ATP2B2: variants seen among roughly 807,000 people sequenced by gnomAD.
The protein encoded by ATP2B2 is plasma membrane calcium-transporting ATPase 2.
Under a neutral mutation model 120.0 loss-of-function variants are expected in ATP2B2, and 15 were observed. The observed-to-expected ratio is 0.12, with a 90% CI of 0.08 to 0.19. The LOEUF is 0.19. Ranked by LOEUF, ATP2B2 falls within the 10% of genes least tolerant of loss-of-function variation. The pLI is 1.00. For synonymous variants in ATP2B2, 694 were observed against 700.3 expected (o/e 0.99, Z 0.14); for missense variants, 1,045 against 1,719.8 (o/e 0.61, Z 6.94).
rs2060245994 is a variant in ATP2B2, at chr3:10,340,523, G to A, written c.3099C>T (p.Cys1033=). Residue 1033 remains cysteine (C), a synonymous_variant, in exon 20 of 23, where the codon TGC becomes TGT. Coordinates refer to ENST00000360273, the MANE Select transcript of ATP2B2 (RefSeq NM_001001331.4). The surrounding 1 kb of genome is among the most constrained non-coding windows in gnomAD (Gnocchi z 5.0). ...FDGIFRNPIF[C]TIVLGTFAIQ... is the part of the protein sequence containing the mutation. ...TGGCAAAGGTGCCCAGCACGATGGT[G>A]CAGAAGATGGGGTTCCGGAAGATGC... The A allele has an allele frequency of 1.2e-5, 19 of 1,614,158 alleles. 1 individual carries two copies. The South Asian group carries it at 2.0e-4, about 17-fold the overall frequency.
intron 1 of ATP2B2, among the ~76,000 whole-genome samples, chr3:10,636,731 G>A (rs1259650040): frequency 1.1e-4 from 17 of 152,196 alleles, no homozygotes; most frequent in Admixed American, 1.1e-3. Flanking sequence ...GGGTTTCAAG[G>A]CCATGGTTCA....
rs192762163 is a variant in ATP2B2, at chr3:10,471,096, G to A, written c.-319-21234C>T. On this transcript the variant is annotated intron_variant, in intron 1 of 22. Transcript: ENST00000360273. ...CTGAATGGGCCCAATAACCCGATCCGCAGTCCGACCTGCCCAGTCCAACTT... is the reference window on the plus strand; with the variant it reads ...CTGAATGGGCCCAATAACCCGATCCACAGTCCGACCTGCCCAGTCCAACTT... 7.3e-4 allele frequency among the ~76,000 whole-genome samples: 111 copies of A among 152,304 alleles called. 1 individual carries two copies. The highest frequency in any genetic ancestry group is 3.7e-4 in the Non-Finnish European group (25 of 68,024).
chr3:10,357,976 T>C (rs1373185883), intron 14 of ATP2B2, among the ~76,000 whole-genome samples: 3 of 152,200 alleles, frequency 2.0e-5, no homozygotes, highest in Non-Finnish European at 4.4e-5. Flanking sequence ...CAGATTCAGC[T>C]AAAGGAGAAT....
At chr3:10,610,408 G>A (rs1215271922) in intron 2 of ATP2B2, among the ~76,000 whole-genome samples, 1 of 151,846 alleles carries the variant, frequency 6.6e-6, no homozygotes, top group Admixed American at 6.6e-5. Flanking sequence ...GTGTGCCCAG[G>A]CACAGCAGGA....
intron 2 of ATP2B2, among the ~76,000 whole-genome samples, chr3:10,549,541 C>T (rs1413587830): frequency 2.6e-5 from 4 of 152,226 alleles, no homozygotes; most frequent in Non-Finnish European, 5.9e-5. Context: ...AAGTGAGAGG[C>T]AGCAGCAATA....
chr3:10,394,412 C>A (rs2061960648), intron 5 of ATP2B2: 1 of 470,062 alleles, frequency 2.1e-6, no homozygotes, highest in Non-Finnish European at 4.4e-6. Flanking sequence ...AGCCCCTCCA[C>A]CCACCACTTT....
In ATP2B2 at chr3:10,604,408, G is replaced by A. The variant is rs149979905; in HGVS notation, c.-415+15509C>T. Among the ~76,000 whole-genome samples the A allele has an allele frequency of 2.6e-3, 390 of 152,156 alleles. 2 individuals are homozygous for A. The highest frequency in any genetic ancestry group is 2.2e-3 in the Non-Finnish European group (149 of 68,010). On this transcript the variant is annotated intron_variant, in intron 2 of 21. Transcript: ENST00000646379. ...ACCTCACAGTCTCCCCTAACCTTCC[G>A]GATGAAGTCCAAACTCCCTAACTCC...
At chr3:10,365,997 A>T (rs1015279695) in intron 12 of ATP2B2, among the ~76,000 whole-genome samples, 3 of 151,924 alleles carry the variant, frequency 2.0e-5, no homozygotes, top group Non-Finnish European at 4.4e-5. Flanking sequence ...CCAAAAGCAA[A>T]ACCCTTGTTG....
intron 1 of ATP2B2, among the ~76,000 whole-genome samples, chr3:10,627,982 A>G (rs918930589): frequency 3.3e-5 from 5 of 152,094 alleles, no homozygotes; most frequent in Admixed American, 2.6e-4. Flanking sequence ...TGAGACCTGA[A>G]GCTATGCAGG....
At chr3:10,601,409 G>GGGAGGCCTTGCCTGAGTC (rs1344746756) in intron 2 of ATP2B2, among the ~76,000 whole-genome samples, 1 of 152,190 alleles carries the variant, frequency 6.6e-6, no homozygotes, top group African/African-American at 2.4e-5. Flanking sequence ...AACACGGGGA[G>GGGAGGCCTTGCCTGAGTC]GGAGGCCTTG....
chr3:10,592,017 C>T (rs942856074), intron 2 of ATP2B2, among the ~76,000 whole-genome samples: 11 of 152,152 alleles, frequency 7.2e-5, no homozygotes, highest in African/African-American at 2.4e-4. Context: ...GATCAGAGGA[C>T]CTCAAGGTGG....
rs180934274 is a variant in ATP2B2 at position 10,349,169 on chromosome 3, T to C, written c.2404+943A>G. Among the ~76,000 whole-genome samples the C allele has an allele frequency of 3.4e-3, 517 of 152,322 alleles. 2 individuals are homozygous for C. Among genetic ancestry groups the C allele is most frequent in the African/African-American group, 0.012 (479 of 41,574 alleles). Reference sequence around the variant, plus strand: ...ACCACGTGACTCTAAAAATACCCAGTTGGCTGGGCACAGTGGCTCCTACCT... The same window carrying C: ...ACCACGTGACTCTAAAAATACCCAGCTGGCTGGGCACAGTGGCTCCTACCT... On this transcript the variant is annotated intron_variant, in intron 16 of 22. Coordinates refer to ENST00000360273, the MANE Select transcript of ATP2B2 (RefSeq NM_001001331.4).
chr3:10,556,749 TA>T (rs2067788180), intron 2 of ATP2B2, among the ~76,000 whole-genome samples: 1 of 152,264 alleles, frequency 6.6e-6, no homozygotes, highest in Non-Finnish European at 1.5e-5. Flanking sequence ...TATTAAACTT[TA>T]ATTACTCCTA....
intron 12 of ATP2B2, among the ~76,000 whole-genome samples, chr3:10,362,163 C>G (rs1035979477): frequency 6.6e-6 from 1 of 152,292 alleles, no homozygotes; most frequent in East Asian, 1.9e-4. Flanking sequence ...CCTGTGTCCC[C>G]CTGAAGTACC....
intron 21 of ATP2B2, among the ~76,000 whole-genome samples, chr3:10,339,812 A>C (rs1427362775): frequency 6.6e-6 from 1 of 152,178 alleles, no homozygotes; most frequent in African/African-American, 2.4e-5. Context: ...CTCCCTTCCT[A>C]ACAAGCTGCT....
chr3:10,434,106 C>T (rs532336573), intron 2 of ATP2B2, among the ~76,000 whole-genome samples: 1 of 152,324 alleles, frequency 6.6e-6, no homozygotes, highest in Admixed American at 6.5e-5. Context: ...GGGCATACCC[C>T]ACTAGGGGAT....
intron 3 of ATP2B2, among the ~76,000 whole-genome samples, chr3:10,407,463 G>A (rs1441594237): frequency 6.6e-6 from 1 of 152,044 alleles, no homozygotes; most frequent in Non-Finnish European, 1.5e-5. Flanking sequence ...TGCTGACAGG[G>A]CCGGCGTTGC....
intron 1 of ATP2B2, among the ~76,000 whole-genome samples, chr3:10,491,319 A>ATT: frequency 6.8e-6 from 1 of 148,002 alleles, no homozygotes; most frequent in Non-Finnish European, 1.5e-5. Flanking sequence ...TCTGCCTCCC[A>ATT]GGTTCAAGCA....
At chr3:10,681,780 A>T (rs2071390192) in intron 1 of ATP2B2, among the ~76,000 whole-genome samples, 2 of 152,234 alleles carry the variant, frequency 1.3e-5, no homozygotes, top group African/African-American at 2.4e-5. Flanking sequence ...AACTTGCTCT[A>T]AGTCGTGCAG....
Sources: gnomAD v4.1 joint callset for allele counts (sites outside exome capture counted in the v4.1 genomes callset) on GRCh38, gnomAD v4.1.1 for gene constraint, Gnocchi (gnomAD v3.1) non-coding constraint, MANE v1.5 for transcripts, NCBI Gene and HGNC (gene_info 2026-07-23, HGNC 2026-07-21) for gene names.